GLYATL2: variants seen among roughly 807,000 people sequenced by gnomAD.
GLYATL2 encodes the protein glycine-N-acyltransferase like 2, also known as glycine N-acyltransferase-like protein 2.
Under a neutral mutation model 21.4 loss-of-function variants are expected in GLYATL2, and 25 were observed. The observed-to-expected ratio is 1.17, with a 90% confidence interval of 0.85 to 1.63. The LOEUF (loss-of-function observed/expected upper bound fraction) is 1.63. Among genes scored for constraint, GLYATL2 ranks in the 40% most tolerant of loss-of-function variants. The pLI, the probability that GLYATL2 is intolerant of heterozygous loss-of-function variation, is 0.00. For synonymous variants in GLYATL2, 114 were observed against 118.2 expected (o/e 0.96, Z 0.23); for missense variants, 361 against 343.3 (o/e 1.05, Z -0.41).
chr11:58,846,654 G>A (rs559572270), upstream of GLYATL2, among the ~76,000 whole-genome samples: 7 of 152,228 alleles, frequency 4.6e-5, no homozygotes, highest in South Asian at 2.1e-4. Flanking sequence ...GTCCTAACCC[G>A]AGGGGAATCA....
intron 1 of GLYATL2, among the ~76,000 whole-genome samples, chr11:58,866,625 C>A (rs370816605): frequency 1.3e-5 from 2 of 148,878 alleles, no homozygotes; most frequent in South Asian, 2.1e-4. Flanking sequence ...GTAAAGAAAT[C>A]TTTTTCCCTA....
At chr11:58,849,520 C>T (rs1272575137), upstream of GLYATL2, among the ~76,000 whole-genome samples, 1 of 151,978 alleles carries the variant, frequency 6.6e-6, no homozygotes, top group African/African-American at 2.4e-5. Context: ...CCTGAACAGA[C>T]CAATAGCAAG....
At chr11:58,866,775 G>A (rs1854029793) in intron 1 of GLYATL2, among the ~76,000 whole-genome samples, 2 of 149,124 alleles carry the variant, frequency 1.3e-5, no homozygotes, top group South Asian at 4.3e-4. Context: ...ACTGCCTCAA[G>A]GTAACTTTAA....
intron 1 of GLYATL2, among the ~76,000 whole-genome samples, chr11:58,876,217 TC>T (rs1378042593): frequency 3.3e-5 from 5 of 152,206 alleles, no homozygotes; most frequent in Admixed American, 6.5e-5. Flanking sequence ...GTTTTTAACT[TC>T]TTTGCCATTG....
At chr11:58,908,728 A>G (rs1446235356), upstream of GLYATL2, 1 of 152,238 alleles carries the variant, frequency 6.6e-6, no homozygotes, top group African/African-American at 2.4e-5. Context: ...ATAGGGTATG[A>G]GTTAACAATG....
In GLYATL2 at chr11:58,867,914, A is replaced by G. The variant is rs1009100516; in HGVS notation, n.61-29546T>C. Reference sequence around the variant, plus strand: ...GCATGTGTTTCTGGGAGGAAGGCATAGGGGCCTAGTTCCAGCCTTACCCCA... The same window carrying G: ...GCATGTGTTTCTGGGAGGAAGGCATGGGGGCCTAGTTCCAGCCTTACCCCA... On this transcript the variant is annotated intron_variant and non_coding_transcript_variant, in intron 1 of 4. Coordinates refer to the GLYATL2 transcript ENST00000533636. Among the ~76,000 whole-genome samples the G allele has an allele frequency of 6.7e-5, 10 of 148,886 alleles. 1 individual carries two copies. Among genetic ancestry groups the G allele is most frequent in the African/African-American group, 2.2e-4 (9 of 41,230 alleles).
At chr11:58,835,109 A>G (rs997218790) in intron 5 of GLYATL2, among the ~76,000 whole-genome samples, 3 of 152,174 alleles carry the variant, frequency 2.0e-5, no homozygotes, top group African/African-American at 7.2e-5. Flanking sequence ...GCCCTAAGGA[A>G]GAAAATGAAC....
chr11:58,883,326 C>T (rs1854376276), intron 1 of GLYATL2, among the ~76,000 whole-genome samples: 1 of 151,614 alleles, frequency 6.6e-6, no homozygotes, highest in East Asian at 1.9e-4. Context: ...AATAGCAAGA[C>T]TAATAAAGAA....
At chr11:58,878,601 G>A (rs1854280068) in intron 1 of GLYATL2, among the ~76,000 whole-genome samples, 1 of 152,186 alleles carries the variant, frequency 6.6e-6, no homozygotes, top group African/African-American at 2.4e-5. Flanking sequence ...CAGTAATGTT[G>A]CAGAATTTAT....
At chr11:58,896,772 C>G (rs1854643542) in intron 1 of GLYATL2, among the ~76,000 whole-genome samples, 1 of 152,056 alleles carries the variant, frequency 6.6e-6, no homozygotes, top group South Asian at 2.1e-4. Context: ...TCTATTTTGG[C>G]CCAGACTGCT....
intron 1 of GLYATL2, among the ~76,000 whole-genome samples, chr11:58,890,974 T>G (rs1055472214): frequency 4.6e-5 from 7 of 152,266 alleles, no homozygotes; most frequent in African/African-American, 1.7e-4. Context: ...TAGCTCCATT[T>G]GTTTTTTACT....
chr11:58,893,048 C>A, intron 1 of GLYATL2: 1 of 374,580 alleles, frequency 2.7e-6, no homozygotes, highest in Non-Finnish European at 5.1e-6. Context: ...TATAGTAAAA[C>A]TCCCAATTTT....
intron 1 of GLYATL2, among the ~76,000 whole-genome samples, chr11:58,883,818 A>G (rs1292991720): frequency 2.0e-5 from 3 of 152,254 alleles, no homozygotes; most frequent in Admixed American, 6.5e-5. Context: ...AAAATCCTCA[A>G]TAAAATACCA....
chr11:58,905,536 C>A, upstream of GLYATL2: 1 of 456,304 alleles, frequency 2.2e-6, no homozygotes, highest in South Asian at 1.5e-5. Context: ...GCGGAAAAAG[C>A]GCGAAACCGC....
Position 58,837,385 on chromosome 11 carries a change from C to T in GLYATL2, c.199G>A (p.Asp67Asn). ...TAAGTGTTGGTATAATGATCCTGGT[C>T]ATCTTTCATCTCCTGATATAACAAA... Reference protein sequence around the residue: ...TRPQKQEMKDDQDHYTNTYHI... With the variant: ...TRPQKQEMKDNQDHYTNTYHI... The change falls in exon 4 of 6, where the codon GAC becomes AAC. Residue 67 changes from aspartate (D) to asparagine (N), a missense_variant. Coordinates refer to ENST00000287275, the MANE Select transcript of GLYATL2 (RefSeq NM_145016.4). 6.2e-7 allele frequency: 1 copy of T among 1,612,664 alleles called. No homozygotes were observed. Among genetic ancestry groups the T allele is most frequent in the Non-Finnish European group, 8.5e-7 (1 of 1,178,972 alleles).
At chr11:58,867,561 T>G (rs1376399364) in intron 1 of GLYATL2, among the ~76,000 whole-genome samples, 1 of 148,762 alleles carries the variant, frequency 6.7e-6, no homozygotes, top group East Asian at 2.2e-4. Context: ...TGGAGAGACC[T>G]AGAATCAGAG....
intron 1 of GLYATL2, among the ~76,000 whole-genome samples, chr11:58,843,468 C>T (rs1051608240): frequency 3.3e-5 from 5 of 152,178 alleles, no homozygotes; most frequent in South Asian, 4.2e-4. Context: ...GAGCTCAGCT[C>T]CCTGAGAGTA....
chr11:58,870,856 C>T (rs993743009), intron 1 of GLYATL2, among the ~76,000 whole-genome samples: 12 of 152,180 alleles, frequency 7.9e-5, no homozygotes, highest in Non-Finnish European at 1.6e-4. Flanking sequence ...TACAAGCATC[C>T]TTGAGAAGAT....
intron 1 of GLYATL2, among the ~76,000 whole-genome samples, chr11:58,840,073 T>A (rs1449727713): frequency 6.6e-6 from 1 of 151,828 alleles, no homozygotes; most frequent in Non-Finnish European, 1.5e-5. Flanking sequence ...GCATGGGTAC[T>A]ATTTTCAGCT....
Sources: allele counts gnomAD v4.1 joint callset (sites outside exome capture counted in the v4.1 genomes callset), GRCh38; gene constraint gnomAD v4.1.1; transcripts MANE v1.5; gene names NCBI Gene and HGNC (gene_info 2026-07-23, HGNC 2026-07-21).